Variants in CELSR1 observed in about 807,000 individuals in gnomAD.
CELSR1 encodes cadherin EGF LAG seven-pass G-type receptor 1.
CELSR1 carries 110 observed loss-of-function variants against 249.1 expected under a neutral mutation model. That is an observed-to-expected ratio of 0.44 (90% CI 0.38 to 0.52). The LOEUF is 0.52. Ranked by LOEUF, CELSR1 falls within the 20% of genes least tolerant of loss-of-function variation. The pLI is 0.00. For synonymous variants in CELSR1, 2,113 were observed against 1,900.0 expected (o/e 1.11, Z -2.92); for missense variants, 4,109 against 4,296.4 (o/e 0.96, Z 1.22).
In CELSR1 at chr22:46,397,727, G is replaced by C. The variant is rs369237672; in HGVS notation, c.5648C>G (p.Pro1883Arg). ...CCAGGCGTCGTGGCAGCGGCTATTGGGGGGACAGGGGCTCGAGGTACAGGG... is the reference window on the plus strand; with the variant it reads ...CCAGGCGTCGTGGCAGCGGCTATTGCGGGGACAGGGGCTCGAGGTACAGGG... ...DDPCTSSPCP[P>R]NSRCHDAWED... The change falls in exon 12 of 35, where the codon CCC becomes CGC. Residue 1883 changes from proline to arginine, a missense_variant. Pro to Arg is a moderately radical substitution (Grantham distance 103). Around this residue, in one of 7 missense-constraint regions of CELSR1, gnomAD observed 1,805 missense variants for 1,831.6 expected, o/e 0.99. Coordinates refer to ENST00000674500, the MANE Select transcript of CELSR1 (RefSeq NM_001378328.1). 3.1e-6 allele frequency: 5 copies of C among 1,588,616 alleles called. No individual in the cohort carries two copies. The highest frequency in any genetic ancestry group is 1.7e-5 in the Admixed American group (1 of 57,538).
At chr22:46,461,813 C>T (rs913632924) in intron 2 of CELSR1, among the ~76,000 whole-genome samples, 1 of 152,216 alleles carries the variant, frequency 6.6e-6, no homozygotes, top group Non-Finnish European at 1.5e-5. Flanking sequence ...GCAGGGAAGT[C>T]GACGAAGCGC....
Position 46,436,388 on chromosome 22 carries a change from G to A in CELSR1, c.4407-99C>T, listed in dbSNP as rs1826055700. The stretch of plus-strand genomic sequence containing the variant: ...CAGCCGGAGGAGGGCAAGCACGTGG[G>A]GCTACGATTCAGGAAAGAATGGTGT... On this transcript the variant is annotated intron_variant, in intron 3 of 34. Coordinates refer to ENST00000674500, the MANE Select transcript of CELSR1 (RefSeq NM_001378328.1). The surrounding 1 kb of genome is among the most constrained non-coding windows in gnomAD (Gnocchi z 5.9). The A allele has an allele frequency of 3.9e-6, 3 of 764,584 alleles. No individual in the cohort carries two copies. Among genetic ancestry groups the A allele is most frequent in the Non-Finnish European group, 6.7e-6 (3 of 449,108 alleles). 47.4% of individuals were successfully genotyped at this position (764,584 alleles called of 1,614,324 possible).
rs1602147101 is a variant in CELSR1 at position 46,445,923 on chromosome 22, C to A, written c.4184-6512G>T. ...CTGCAACCCCTCCTGCCTCCAGCAG[C>A]CCCCTGCACAGCCACAAGCCCCCTC... On this transcript the variant is annotated intron_variant, in intron 2 of 34. Coordinates refer to ENST00000674500, the MANE Select transcript of CELSR1 (RefSeq NM_001378328.1). This position sits in a 1 kb window ranked among gnomAD's most constrained non-coding sequence, Gnocchi z 4.4. Among the ~76,000 whole-genome samples, 1 of 152,284 alleles carries A rather than the reference C, an allele frequency of 6.6e-6. No homozygotes were observed. The highest frequency in any genetic ancestry group is 2.1e-4 in the South Asian group (1 of 4,830).
intron 5 of CELSR1, among the ~76,000 whole-genome samples, chr22:46,418,957 G>C (rs1569149578): frequency 6.6e-6 from 1 of 152,206 alleles, no homozygotes; most frequent in Non-Finnish European, 1.5e-5. Context: ...GGAGTCCCCT[G>C]GGCATGCGTG....
chr22:46,397,966 C>T, intron 11 of CELSR1, 118 bp from the exon 12 acceptor site: 1 of 899,280 alleles, frequency 1.1e-6, no homozygotes, highest in Non-Finnish European at 1.6e-6. Context: ...CCTCATTTAT[C>T]TACAGAGCTG....
chr22:46,482,119 T>C (rs777055596), intron 1 of CELSR1, among the ~76,000 whole-genome samples: 1 of 152,332 alleles, frequency 6.6e-6, no homozygotes, highest in East Asian at 1.9e-4. Flanking sequence ...GACAAAATAA[T>C]GTCTCACCCT....
chr22:46,474,875 G>A (rs566977689), intron 1 of CELSR1, among the ~76,000 whole-genome samples: 3 of 132,368 alleles, frequency 2.3e-5, no homozygotes, highest in East Asian at 4.9e-4. Context: ...CACTTAACTT[G>A]TTGGAGAGGC....
At position 46,521,266 on chromosome 22, in the gene CELSR1, A is replaced by G. The variant is rs116980471; in HGVS notation, c.3544+12361T>C. On this transcript the variant is annotated intron_variant, in intron 1 of 34. Coordinates refer to ENST00000674500, the MANE Select transcript of CELSR1 (RefSeq NM_001378328.1). ...CGCCTGTAATCTCAGCACTTTGGGA[A>G]GCCGAAGCAAGAGGATCATGAGGTC... Among the ~76,000 whole-genome samples, 18 of 152,104 alleles carry G rather than the reference A, an allele frequency of 1.2e-4. No individual in the cohort carries two copies. In the East Asian group the frequency reaches 3.3e-3, roughly 28 times the overall value.
rs200473737 is a variant in CELSR1 at position 46,396,470 on chromosome 22, TA to T, written c.5843+134del. The T allele has an allele frequency of 2.0e-3, 1,846 of 910,660 alleles. No individual in the cohort carries two copies. Among genetic ancestry groups the T allele is most frequent in the Middle Eastern group, 2.8e-3 (7 of 2,530 alleles). 56.4% of individuals were successfully genotyped at this position (910,660 alleles called of 1,614,324 possible). Reference sequence around the variant, plus strand: ...GATTTTCACTTAATTCATGCCAAATTAAAAAAAAATATGTCCCTGTTACCCA... The same window carrying T: ...GATTTTCACTTAATTCATGCCAAATTAAAAAAAATATGTCCCTGTTACCCA... On this transcript the variant is annotated intron_variant, in intron 13 of 34. Transcript: ENST00000674500. This position sits in a 1 kb window ranked among gnomAD's most constrained non-coding sequence, Gnocchi z 6.4.
intron 2 of CELSR1, among the ~76,000 whole-genome samples, chr22:46,456,677 A>G (rs2079957243): frequency 6.6e-6 from 1 of 150,976 alleles, no homozygotes; most frequent in Non-Finnish European, 1.5e-5. Context: ...AAAAAAAAAA[A>G]AAAAAAAAAA....
chr22:46,368,179 AC>A, intron 27 of CELSR1, among the ~76,000 whole-genome samples: 1 of 152,088 alleles, frequency 6.6e-6, no homozygotes, highest in South Asian at 2.1e-4. Flanking sequence ...CCCGTGAGAT[AC>A]CCTGTGGAGA....
rs1167134229 is a variant in CELSR1 at position 46,439,549 on chromosome 22, G to A, written c.4184-138C>T. On this transcript the variant is annotated intron_variant, in intron 2 of 34. Transcript: ENST00000674500. ...GAAAACCCGACTGACTCCAGGACAG[G>A]TCTGTGACATGAACAGAAACCCCTG... 1.0e-5 allele frequency: 7 copies of A among 681,360 alleles called. No individual in the cohort carries two copies. The East Asian group carries it at 1.9e-4, about 19-fold the overall frequency. 42.2% of individuals were successfully genotyped at this position (681,360 alleles called of 1,614,324 possible).
rs1263781401 is a variant in CELSR1, at chr22:46,391,701, C to A, written c.6080G>T (p.Gly2027Val). 14 of 1,610,606 alleles carry A rather than the reference C, an allele frequency of 8.7e-6. No individual in the cohort carries two copies. The highest frequency in any genetic ancestry group is 1.9e-4 in the Middle Eastern group (1 of 5,394). The change falls in exon 15 of 35, where the codon GGC (glycine) becomes GTC (valine). Residue 2027 changes from glycine (G) to valine (V), a missense_variant. Gly to Val is a moderately radical substitution (Grantham distance 109). This residue lies in a region of CELSR1 where 1,805 missense variants were observed against 1,831.6 expected (regional missense o/e 0.99). Transcript: ENST00000674500. The surrounding 1 kb of genome is among the most constrained non-coding windows in gnomAD (Gnocchi z 4.3). Reference protein sequence around the residue: ...MATGQCACKPGVIGRQCNRCD... With the variant: ...MATGQCACKPVVIGRQCNRCD... ...GCGGTTGCACTGGCGGCCGATGACG[C>A]CGGGCTTGCAGGCACACTGCCCGGT...
Position 46,409,883 on chromosome 22 carries a change from G to A in CELSR1, c.4934-3C>T. 6.2e-7 allele frequency: 1 copy of A among 1,612,512 alleles called. No homozygotes were observed. Among genetic ancestry groups the A allele is most frequent in the Non-Finnish European group, 8.5e-7 (1 of 1,179,956 alleles). ...GAAGTTCCTCCGAGCAGCGCAGCCTGGCAACACAGAGCGTGCGGCAGAGCC... is the reference window on the plus strand; with the variant it reads ...GAAGTTCCTCCGAGCAGCGCAGCCTAGCAACACAGAGCGTGCGGCAGAGCC... On this transcript the variant is annotated splice_region_variant and splice_polypyrimidine_tract_variant and intron_variant, in intron 7 of 34. Transcript: ENST00000674500. The surrounding 1 kb of genome is among the most constrained non-coding windows in gnomAD (Gnocchi z 9.8).
chr22:46,422,726 C>G (rs2079490982), intron 5 of CELSR1, among the ~76,000 whole-genome samples: 1 of 148,616 alleles, frequency 6.7e-6, no homozygotes, highest in Admixed American at 6.7e-5. Flanking sequence ...GAGATCACGC[C>G]ACTGCACTCC....
At position 46,464,040 on chromosome 22, in the gene CELSR1, T is replaced by C. The variant is rs1406380537; in HGVS notation, c.3850A>G (p.Ile1284Val). Residue 1284 changes from isoleucine to valine, a missense_variant, in exon 2 of 35, where the codon ATC (isoleucine) becomes GTC (valine). Around this residue, in one of 7 missense-constraint regions of CELSR1, gnomAD observed 141 missense variants for 209.4 expected, o/e 0.67. Transcript: ENST00000674500. The surrounding 1 kb of genome is among the most constrained non-coding windows in gnomAD (Gnocchi z 8.5). The stretch of plus-strand genomic sequence containing the variant: ...GTCAGCAGCGTCCGATTCAGGTAGA[T>C]CTGCTCCTGCAGGTCCTCCGACGGG... ...FFPSEDLQEQ[I>V]YLNRTLLTTI... 17 of 1,613,776 alleles carry C rather than the reference T, an allele frequency of 1.1e-5. No homozygotes were observed. The highest frequency in any genetic ancestry group is 1.4e-5 in the Non-Finnish European group (17 of 1,180,036).
In CELSR1 at chr22:46,363,258, G is replaced by A. The variant is rs1242685540; in HGVS notation, c.9036-11C>T. 2.0e-5 allele frequency: 33 copies of A among 1,610,436 alleles called. No individual in the cohort carries two copies. The highest frequency in any genetic ancestry group is 4.0e-5 in the African/African-American group (3 of 74,762). ...GTTTCATTACTGCCTCTGCGCGTGG[G>A]AAGAAGCCAGCAAGCAGGTGAAGGG... is the stretch of plus-strand genomic sequence containing the variant. On this transcript the variant is annotated splice_polypyrimidine_tract_variant and intron_variant, in intron 34 of 34. Transcript: ENST00000674500. This position sits in a 1 kb window ranked among gnomAD's most constrained non-coding sequence, Gnocchi z 4.3.
In CELSR1 at chr22:46,448,213, G is replaced by A. The variant is rs1052160445; in HGVS notation, c.4184-8802C>T. Among the ~76,000 whole-genome samples, 4 of 152,228 alleles carry A rather than the reference G, an allele frequency of 2.6e-5. No homozygotes were observed. The highest frequency in any genetic ancestry group is 7.2e-5 in the African/African-American group (3 of 41,462). Reference sequence around the variant, plus strand: ...GTGAACAAGGAAGGGGGTGCCCAGAGGGTCTCCACATCATTACATGGAGAC... The same window carrying A: ...GTGAACAAGGAAGGGGGTGCCCAGAAGGTCTCCACATCATTACATGGAGAC... On this transcript the variant is annotated intron_variant, in intron 2 of 34. Coordinates refer to ENST00000674500, the MANE Select transcript of CELSR1 (RefSeq NM_001378328.1). This position sits in a 1 kb window ranked among gnomAD's most constrained non-coding sequence, Gnocchi z 5.7.
chr22:46,443,273 C>A (rs144984505), intron 2 of CELSR1, among the ~76,000 whole-genome samples: 1 of 152,342 alleles, frequency 6.6e-6, no homozygotes, highest in East Asian at 1.9e-4. Flanking sequence ...CCAGAGCTGA[C>A]GCCGGGTCAG....
Sources: allele counts gnomAD v4.1 joint callset (sites outside exome capture counted in the v4.1 genomes callset), GRCh38; gene constraint gnomAD v4.1.1; regional missense constraint gnomAD v4.1.1; non-coding constraint Gnocchi (gnomAD v3.1); transcripts MANE v1.5; gene names NCBI Gene and HGNC (gene_info 2026-07-23, HGNC 2026-07-21).